PHTF2: variants seen among roughly 807,000 people sequenced by gnomAD.
PHTF2 encodes protein PHTF2.
Under a neutral mutation model 101.2 loss-of-function variants are expected in PHTF2, and 60 were observed. The observed-to-expected ratio is 0.59, with a 90% CI of 0.48 to 0.73. PHTF2 has a LOEUF of 0.73. PHTF2 is among the 30% of genes least tolerant of loss of function. The pLI is 0.00. For missense variants in PHTF2, 747 were observed against 908.7 expected (o/e 0.82, Z 2.29); for synonymous variants, 311 against 307.3 (o/e 1.01, Z -0.13).
At chr7:77,864,928 C>G (rs1433126173) in intron 3 of PHTF2, among the ~76,000 whole-genome samples, 1 of 152,072 alleles carries the variant, frequency 6.6e-6, no homozygotes, top group African/African-American at 2.4e-5. Flanking sequence ...ATGTTTCCAC[C>G]TGTTGGAGTT....
At chr7:77,897,417 T>G (rs953649222) in intron 5 of PHTF2, among the ~76,000 whole-genome samples, 1 of 151,244 alleles carries the variant, frequency 6.6e-6, no homozygotes, top group Non-Finnish European at 1.5e-5. Flanking sequence ...GAGTTTAAAT[T>G]ATATTTAATA....
At chr7:77,809,157 G>C (rs1793217322) in intron 1 of PHTF2, among the ~76,000 whole-genome samples, 1 of 150,568 alleles carries the variant, frequency 6.6e-6, no homozygotes, top group Non-Finnish European at 1.5e-5. Flanking sequence ...TGAAAGAAAT[G>C]TAGGCATGTA....
chr7:77,880,190 TA>T (rs1799289419), intron 3 of PHTF2, among the ~76,000 whole-genome samples: 3 of 152,328 alleles, frequency 2.0e-5, no homozygotes, highest in African/African-American at 7.2e-5. Flanking sequence ...TTTATGACCA[TA>T]ACATTTTATT....
intron 1 of PHTF2, among the ~76,000 whole-genome samples, chr7:77,815,756 C>T (rs774668384): frequency 3.3e-5 from 5 of 152,200 alleles, no homozygotes; most frequent in Non-Finnish European, 5.9e-5. Flanking sequence ...AAAGATGGGA[C>T]TAACTTTATT....
intron 1 of PHTF2, among the ~76,000 whole-genome samples, chr7:77,815,036 C>A (rs1383036018): frequency 6.6e-6 from 1 of 151,780 alleles, no homozygotes; most frequent in Non-Finnish European, 1.5e-5. Flanking sequence ...GATATCACGC[C>A]CCTGCAGTCC....
At chr7:77,919,214 A>AC (rs1803213788) in intron 9 of PHTF2, among the ~76,000 whole-genome samples, 1 of 152,230 alleles carries the variant, frequency 6.6e-6, no homozygotes, top group Admixed American at 6.5e-5. Context: ...GGTGAGTTTT[A>AC]AGGTCCTGCT....
intron 15 of PHTF2, among the ~76,000 whole-genome samples, chr7:77,941,732 A>G (rs1034939495): frequency 2.0e-5 from 3 of 152,064 alleles, no homozygotes; most frequent in Admixed American, 6.5e-5. Context: ...GAAACCATCA[A>G]TCATCTTCTA....
intron 11 of PHTF2, among the ~76,000 whole-genome samples, chr7:77,926,866 C>CA (rs778268960): frequency 2.7e-5 from 4 of 148,288 alleles, no homozygotes; most frequent in Non-Finnish European, 3.0e-5. Context: ...AGTCCTGCTT[C>CA]AAAAAAAAGA....
intron 8 of PHTF2, chr7:77,909,165 GTTTCT>G: frequency 5.7e-6 from 2 of 353,242 alleles, no homozygotes; most frequent in East Asian, 9.3e-5. Flanking sequence ...CTGTGTTTTT[GTTTCT>G]TTTTTTTTTT....
At chr7:77,938,494 G>A (rs1270842258) in intron 13 of PHTF2, among the ~76,000 whole-genome samples, 1 of 152,196 alleles carries the variant, frequency 6.6e-6, no homozygotes, top group Non-Finnish European at 1.5e-5. Context: ...ACTTTGGGAG[G>A]CTGAGGCGGG....
At chr7:77,838,795 A>G (rs537805211) in intron 1 of PHTF2, among the ~76,000 whole-genome samples, 80 of 152,312 alleles carry the variant, frequency 5.3e-4, no homozygotes, top group African/African-American at 1.8e-3. Context: ...GCTGTTTGTC[A>G]GGAATTTCAA....
Position 77,949,941 on chromosome 7 carries a change from G to T in PHTF2, c.2115+108G>T, listed in dbSNP as rs114994695. 1,039 of 579,560 alleles carry T rather than the reference G, an allele frequency of 1.8e-3. 10 individuals are homozygous for T. The highest frequency in any genetic ancestry group is 0.017 in the African/African-American group (906 of 52,612). 35.9% of individuals were successfully genotyped at this position (579,560 alleles called of 1,614,324 possible). On this transcript the variant is annotated intron_variant, in intron 17 of 19. Coordinates refer to ENST00000416283, the Ensembl canonical transcript of PHTF2. ...GTTCTATTTGATTAAGGTCATTTGT[G>T]CTATAAAGCAAAATGTAAAATTTAA... is the stretch of plus-strand genomic sequence containing the variant.
chr7:77,827,900 T>C (rs1794806476), intron 1 of PHTF2, among the ~76,000 whole-genome samples: 1 of 152,116 alleles, frequency 6.6e-6, no homozygotes, highest in African/African-American at 2.4e-5. Flanking sequence ...TGACTTAGCC[T>C]CCCAAAGTGC....
At chr7:77,954,610 GTGTATATA>G (rs1373443147) in intron 19 of PHTF2, among the ~76,000 whole-genome samples, 912 of 82,512 alleles carry the variant, frequency 0.011, 10 homozygotes, top group African/African-American at 0.032. Flanking sequence ...AACAAGTACT[GTGTATATA>G]TATATATATA....
In PHTF2 at chr7:77,805,972, C is replaced by T. The variant is rs138386240; in HGVS notation, c.-36+7001C>T. On this transcript the variant is annotated intron_variant, in intron 1 of 19. Transcript: ENST00000416283. ...GGCGGGTCATTTGAGATCAGGAGTTCGAGACCAGCCTGGCCAACATGTTGA... is the reference window on the plus strand; with the variant it reads ...GGCGGGTCATTTGAGATCAGGAGTTTGAGACCAGCCTGGCCAACATGTTGA... Among the ~76,000 whole-genome samples the T allele has an allele frequency of 3.3e-3, 501 of 152,148 alleles. 3 individuals carry two copies. The highest frequency in any genetic ancestry group is 0.011 in the African/African-American group (465 of 41,508).
intron 3 of PHTF2, among the ~76,000 whole-genome samples, chr7:77,868,278 A>G (rs13310246): frequency 2.7e-5 from 4 of 149,646 alleles, no homozygotes; most frequent in Non-Finnish European, 5.9e-5. Flanking sequence ...AAGTAGCTGG[A>G]GCTACAGGCA....
At chr7:77,927,249 G>T (rs1479829895) in intron 11 of PHTF2, among the ~76,000 whole-genome samples, 2 of 148,454 alleles carry the variant, frequency 1.3e-5, no homozygotes, top group Non-Finnish European at 3.0e-5. Flanking sequence ...CATAAAGAGA[G>T]AGATTGATTG....
chr7:77,898,731 A>G lies in PHTF2; in HGVS notation c.217-1980A>G, dbSNP rs535563743. ...TTTAATATATATTTTTGATTCATTA[A>G]CAATTCATGGCCAACAGCACTGTAA... On this transcript the variant is annotated intron_variant, in intron 5 of 19. Coordinates refer to ENST00000416283, the Ensembl canonical transcript of PHTF2. 2.4e-4 allele frequency among the ~76,000 whole-genome samples: 37 copies of G among 152,284 alleles called. No individual in the cohort carries two copies. In the South Asian group the frequency reaches 7.5e-3, roughly 31 times the overall value.
In PHTF2 at chr7:77,873,839, C is replaced by T. The variant is rs181925722; in HGVS notation, c.147+19005C>T. Among the ~76,000 whole-genome samples the T allele has an allele frequency of 9.0e-4, 137 of 152,292 alleles. 2 individuals are homozygous for T. Among genetic ancestry groups the T allele is most frequent in the Non-Finnish European group, 4.1e-4 (28 of 68,022 alleles). On this transcript the variant is annotated intron_variant, in intron 3 of 19. Coordinates refer to ENST00000416283, the Ensembl canonical transcript of PHTF2. ...CACTTTAACAGTAGACACCTGGCGA[C>T]GCTGTGCATGTACCTTTCAGTGAAG...
Sources: allele counts gnomAD v4.1 joint callset (sites outside exome capture counted in the v4.1 genomes callset), GRCh38; gene constraint gnomAD v4.1.1; transcripts MANE v1.5; gene names NCBI Gene and HGNC (gene_info 2026-07-23, HGNC 2026-07-21).